HMCN1: variants seen among roughly 807,000 people sequenced by gnomAD.
HMCN1 encodes the protein hemicentin 1.
A neutral mutation model predicts 625.9 loss-of-function variants in HMCN1; 321 were observed. That is an observed-to-expected ratio of 0.51 (90% CI 0.47 to 0.56). The LOEUF (loss-of-function observed/expected upper bound fraction) is 0.56. HMCN1 is among the 20% of genes least tolerant of loss of function. The pLI, the probability that HMCN1 is intolerant of heterozygous loss-of-function variation, is 0.00. For synonymous variants in HMCN1, 2,425 were observed against 2,417.6 expected, an observed-to-expected ratio of 1.00 and a Z score of -0.09; for missense variants, 6,588 against 6,887.3, an observed-to-expected ratio of 0.96 and a Z score of 1.54.
chr1:185,979,496 TC>T (rs1205015022), intron 16 of HMCN1, among the ~76,000 whole-genome samples: 2 of 152,212 alleles, frequency 1.3e-5, no homozygotes, highest in African/African-American at 4.8e-5. Flanking sequence ...TGCCTAATTG[TC>T]GAAATTAAAT....
chr1:185,751,039 C>A (rs1208319250), intron 1 of HMCN1, among the ~76,000 whole-genome samples: 3 of 152,054 alleles, frequency 2.0e-5, no homozygotes, highest in Non-Finnish European at 4.4e-5. Flanking sequence ...TTTAAACACA[C>A]CCAAATTAGT....
At chr1:185,806,394 A>G (rs1659170195) in intron 1 of HMCN1, among the ~76,000 whole-genome samples, 1 of 152,048 alleles carries the variant, frequency 6.6e-6, no homozygotes, top group Non-Finnish European at 1.5e-5. Flanking sequence ...TTATCCAGCA[A>G]CAAATGCTGG....
intron 1 of HMCN1, among the ~76,000 whole-genome samples, chr1:185,787,634 C>T (rs998061134): frequency 2.1e-4 from 31 of 150,244 alleles, no homozygotes; most frequent in African/African-American, 7.6e-4. Flanking sequence ...TCCTTATGCT[C>T]TTTATGACTG....
At position 185,994,864 on chromosome 1, in the gene HMCN1, T is replaced by G; in HGVS notation, c.3555T>G (p.Gly1185=). Residue 1185 remains glycine (G), a synonymous_variant, in exon 24 of 107, where the codon GGT becomes GGG. Coordinates refer to ENST00000271588, the MANE Select transcript of HMCN1 (RefSeq NM_031935.3). ...CTAAACATCTCAAAGTCCAAGTTGGTCAAAGAGTGGATATTCCATGTAATG... is the reference window on the plus strand; with the variant it reads ...CTAAACATCTCAAAGTCCAAGTTGGGCAAAGAGTGGATATTCCATGTAATG... ...RGPKHLKVQV[G]QRVDIPCNAQ... The G allele has an allele frequency of 6.2e-7, 1 of 1,613,802 alleles. No homozygotes were observed. Among genetic ancestry groups the G allele is most frequent in the Non-Finnish European group, 8.5e-7 (1 of 1,179,766 alleles).
At chr1:185,742,383 T>C (rs541322910) in intron 1 of HMCN1, among the ~76,000 whole-genome samples, 1 of 152,246 alleles carries the variant, frequency 6.6e-6, no homozygotes, top group Admixed American at 6.5e-5. Context: ...TTGTATAGTT[T>C]GGCTGTATAT....
Position 186,144,769 on chromosome 1 carries a change from T to A in HMCN1, c.14266+66T>A, listed in dbSNP as rs560523165. ...AAGTTTCATTATGACTGTAATTCCT[T>A]AAAGTTGCAATATTCCGTTATTTGG... On this transcript the variant is annotated intron_variant, in intron 91 of 106. Coordinates refer to ENST00000271588, the MANE Select transcript of HMCN1 (RefSeq NM_031935.3). 1.1e-3 allele frequency: 1,679 copies of A among 1,569,874 alleles called. 1 individual carries two copies. The highest frequency in any genetic ancestry group is 1.4e-3 in the Non-Finnish European group (1,570 of 1,141,222).
rs183586493 is a variant in HMCN1 at position 185,957,588 on chromosome 1, C to T, written c.1829-4930C>T. Among the ~76,000 whole-genome samples, 7 of 152,254 alleles carry T rather than the reference C, an allele frequency of 4.6e-5. No individual in the cohort carries two copies. The East Asian group carries it at 1.3e-3, about 29-fold the overall frequency. On this transcript the variant is annotated intron_variant, in intron 11 of 106. Coordinates refer to ENST00000271588, the MANE Select transcript of HMCN1 (RefSeq NM_031935.3). ...GGAGATCAACCCAGGAGTCCTTGTT[C>T]AATCTGAGCATATTCAGTGTGTAGC...
chr1:186,129,985 T>A lies in HMCN1; in HGVS notation c.12924T>A (p.Asn4308Lys). The change falls in exon 84 of 107, where the codon AAT becomes AAA. Residue 4308 changes from asparagine (N) to lysine (K), a missense_variant. Coordinates refer to ENST00000271588, the MANE Select transcript of HMCN1 (RefSeq NM_031935.3). ...CCTCAGCCCACTTTGACAGTGTGAA[T>A]GGACACAGTGAACTTGTTATTGAAA... ...NIIPAHFDSV[N>K]GHSELVIERV... The A allele has an allele frequency of 6.2e-7, 1 of 1,613,088 alleles. No homozygotes were observed. The highest frequency in any genetic ancestry group is 1.1e-5 in the South Asian group (1 of 91,076).
At chr1:186,022,104 T>A (rs1186249018) in intron 35 of HMCN1, among the ~76,000 whole-genome samples, 4 of 152,038 alleles carry the variant, frequency 2.6e-5, no homozygotes, top group African/African-American at 4.8e-5. Flanking sequence ...GCGAGTGAAT[T>A]TGATGTTAAA....
In HMCN1 at chr1:186,119,403, A is replaced by G. The variant is rs536140399; in HGVS notation, c.11956+105A>G. On this transcript the variant is annotated intron_variant, in intron 78 of 106. Coordinates refer to ENST00000271588, the MANE Select transcript of HMCN1 (RefSeq NM_031935.3). ...GGTACTGTCGAGAGCTATGAACCATAGTAATATCTTGGGGATATGAAAGCC... is the reference window on the plus strand; with the variant it reads ...GGTACTGTCGAGAGCTATGAACCATGGTAATATCTTGGGGATATGAAAGCC... The G allele has an allele frequency of 6.4e-5, 57 of 888,446 alleles. No individual in the cohort carries two copies. The African/African-American group carries it at 8.3e-4, about 13-fold the overall frequency. The allele number at this position is 888,446 out of a possible 1,614,324, so 55.0% of individuals were successfully genotyped here.
intron 1 of HMCN1, among the ~76,000 whole-genome samples, chr1:185,799,151 G>A (rs943018434): frequency 2.6e-5 from 4 of 152,118 alleles, no homozygotes; most frequent in Non-Finnish European, 4.4e-5. Flanking sequence ...GTTATAGATA[G>A]CCTCAGTGTG....
intron 89 of HMCN1, among the ~76,000 whole-genome samples, chr1:186,138,877 G>A (rs7527214): frequency 0.05 from 7,594 of 152,276 alleles, 411 homozygotes; most frequent in African/African-American, 0.14. Context: ...CATGCAAAGT[G>A]GAGGAGCTGT....
Position 185,987,546 on chromosome 1 carries a change from TA to T in HMCN1, c.3048+5del. ...AAACCGTCTGTCATCTGGTCCAAGG[TA>T]AATGATACATCTAGTTATATTTCCT... On this transcript the variant is annotated splice_donor_region_variant and intron_variant, in intron 20 of 106. Transcript: ENST00000271588. 6.4e-7 allele frequency: 1 copy of T among 1,566,882 alleles called. No homozygotes were observed.
intron 104 of HMCN1, among the ~76,000 whole-genome samples, chr1:186,179,763 AT>A (rs111965617): frequency 6.6e-6 from 1 of 151,416 alleles, no homozygotes; most frequent in Non-Finnish European, 1.5e-5. Context: ...TCTATCTTCA[AT>A]TTTTTTTGTT....
intron 11 of HMCN1, among the ~76,000 whole-genome samples, chr1:185,942,297 T>C (rs2102513664): frequency 6.6e-6 from 1 of 152,264 alleles, no homozygotes; most frequent in Non-Finnish European, 1.5e-5. Context: ...ACTGTGGACA[T>C]TTTAATTTTC....
At chr1:185,942,324 G>A (rs1002222743) in intron 11 of HMCN1, among the ~76,000 whole-genome samples, 4 of 152,166 alleles carry the variant, frequency 2.6e-5, no homozygotes, top group African/African-American at 7.2e-5. Flanking sequence ...AATAGACCAT[G>A]TGAATATGTG....
chr1:186,137,748 TA>T, intron 88 of HMCN1, 53 bp from the exon 89 acceptor site: 1 of 1,613,932 alleles, frequency 6.2e-7, no homozygotes, highest in Non-Finnish European at 8.5e-7. Flanking sequence ...TGCCCCAGTG[TA>T]AGTATTCCCA....
chr1:186,058,553 C>T (rs2102298142), intron 46 of HMCN1, among the ~76,000 whole-genome samples: 1 of 151,808 alleles, frequency 6.6e-6, no homozygotes, highest in Admixed American at 6.6e-5. Flanking sequence ...GGTATCTAAT[C>T]CAAAGTAAAT....
chr1:185,787,186 C>T (rs6674984), intron 1 of HMCN1, among the ~76,000 whole-genome samples: 7,665 of 148,170 alleles, frequency 0.052, 590 homozygotes, highest in African/African-American at 0.18. Flanking sequence ...TGTGCATGCA[C>T]GTGTGTTTTA....
Sources: gnomAD v4.1 joint callset for allele counts (sites outside exome capture counted in the v4.1 genomes callset) on GRCh38, gnomAD v4.1.1 for gene constraint, MANE v1.5 for transcripts, NCBI Gene and HGNC (gene_info 2026-07-23, HGNC 2026-07-21) for gene names.